The following ICOS variants were observed in gnomAD, a reference collection of about 807,000 sequenced individuals.
The protein encoded by ICOS is inducible T cell costimulator.
In ICOS, 15 loss-of-function variants were observed where a neutral mutation model predicts 24.6. That is an observed-to-expected ratio of 0.61 (90% CI 0.41 to 0.94). The LOEUF (loss-of-function observed/expected upper bound fraction) is 0.94, where lower values mean the gene tolerates loss of function less well. ICOS is among the 40% of genes least tolerant of loss of function. ICOS has a pLI of 0.00. For missense variants in ICOS, 200 were observed against 233.0 expected, an observed-to-expected ratio of 0.86 and a Z score of 0.92; for synonymous variants, 89 against 77.5, an observed-to-expected ratio of 1.15 and a Z score of -0.78.
intron 4 of ICOS, among the ~76,000 whole-genome samples, chr2:203,958,781 C>CG (rs112556663): frequency 0.29 from 43,654 of 151,900 alleles, 6,847 homozygotes; most frequent in African/African-American, 0.41. Flanking sequence ...CAGTTAATAC[C>CG]TAGCTTTGAC....
intron 1 of ICOS, among the ~76,000 whole-genome samples, chr2:203,938,020 C>T (rs939859512): frequency 3.3e-5 from 5 of 152,194 alleles, no homozygotes; most frequent in Non-Finnish European, 7.3e-5. Context: ...GAGCACCTGC[C>T]TGGTAGCAGG....
intron 1 of ICOS, among the ~76,000 whole-genome samples, chr2:203,954,753 A>G (rs1243886337): frequency 6.6e-6 from 1 of 151,880 alleles, no homozygotes; most frequent in Non-Finnish European, 1.5e-5. Flanking sequence ...CTTTAGCAGG[A>G]GGACATAATG....
intron 4 of ICOS, among the ~76,000 whole-genome samples, chr2:203,958,205 T>C (rs1690111626): frequency 6.6e-6 from 1 of 152,172 alleles, no homozygotes; most frequent in South Asian, 2.1e-4. Flanking sequence ...TGTTGAAGGG[T>C]TCATTCAGTC....
rs951346401 is a variant in ICOS, at chr2:203,960,096, T to C, written c.*497T>C. On this transcript the variant is annotated 3_prime_UTR_variant, in exon 5 of 5. Transcript: ENST00000316386. ...ATGCTTCAAAGCTGGAGCTATTTTATTTCTGAGATGTTGATGTGAACTGTA... is the reference window on the plus strand; with the variant it reads ...ATGCTTCAAAGCTGGAGCTATTTTACTTCTGAGATGTTGATGTGAACTGTA... 3.3e-5 allele frequency: 8 copies of C among 243,192 alleles called. No individual in the cohort carries two copies. The highest frequency in any genetic ancestry group is 1.8e-4 in the African/African-American group (8 of 45,138). The allele number at this position is 243,192 out of a possible 1,614,324, so 15.1% of individuals were successfully genotyped here. A position where few individuals can be genotyped will look rare whatever the true frequency, so the allele number is the denominator to read the frequency against.
chr2:203,960,852 T>A lies in ICOS; in HGVS notation c.*1253T>A, dbSNP rs929442897. On this transcript the variant is annotated 3_prime_UTR_variant, in exon 5 of 5. Coordinates refer to ENST00000316386, the MANE Select transcript of ICOS (RefSeq NM_012092.4). ...GAAGTCACCCTGGGAATCACAGTGG[T>A]CTACCTGCATTCATAATTCCAGGAT... The A allele has an allele frequency of 1.3e-5, 2 of 152,174 alleles. No homozygotes were observed. The highest frequency in any genetic ancestry group is 4.8e-5 in the African/African-American group (2 of 41,434). 9.4% of individuals were successfully genotyped at this position (152,174 alleles called of 1,614,324 possible).
At chr2:203,947,332 C>T (rs1024312782) in intron 1 of ICOS, among the ~76,000 whole-genome samples, 7 of 151,886 alleles carry the variant, frequency 4.6e-5, no homozygotes, top group African/African-American at 1.2e-4. Flanking sequence ...TTTTTTGAGA[C>T]GGAGTCTTGC....
At chr2:203,956,097 G>T in intron 2 of ICOS, 126 bp downstream of exon 2, 1 of 653,554 alleles carries the variant, frequency 1.5e-6, no homozygotes, top group Admixed American at 2.6e-5. Context: ...TGCAGTTGAT[G>T]GTAATCATTT....
intron 1 of ICOS, among the ~76,000 whole-genome samples, chr2:203,937,664 TTAAA>T (rs1240781662): frequency 6.6e-5 from 10 of 152,194 alleles, no homozygotes; most frequent in Non-Finnish European, 2.9e-5. Flanking sequence ...ATTAAATAAC[TTAAA>T]TAATCAAATA....
At chr2:203,940,599 A>G (rs1281809091) in intron 1 of ICOS, among the ~76,000 whole-genome samples, 2 of 150,510 alleles carry the variant, frequency 1.3e-5, no homozygotes, top group Non-Finnish European at 3.0e-5. Context: ...ATATTCCTCC[A>G]CTGTCTGCTG....
At chr2:203,937,706 T>C (rs1310207794) in intron 1 of ICOS, among the ~76,000 whole-genome samples, 1 of 152,100 alleles carries the variant, frequency 6.6e-6, no homozygotes, top group Non-Finnish European at 1.5e-5. Context: ...GAACTTTTAG[T>C]AGGTATGATC....
intron 1 of ICOS, among the ~76,000 whole-genome samples, chr2:203,946,348 C>T (rs1398012375): frequency 6.6e-6 from 1 of 151,712 alleles, no homozygotes; most frequent in Non-Finnish European, 1.5e-5. Context: ...AAACAATGCA[C>T]ACATTGTGTG....
rs1690146218 is a variant in ICOS at position 203,959,850 on chromosome 2, G to A, written c.*251G>A. The A allele has an allele frequency of 1.7e-6, 1 of 578,882 alleles. No individual in the cohort carries two copies. Among genetic ancestry groups the A allele is most frequent in the Admixed American group, 2.7e-5 (1 of 36,790 alleles). 35.9% of individuals were successfully genotyped at this position (578,882 alleles called of 1,614,324 possible). A position where few individuals can be genotyped will look rare whatever the true frequency, so the allele number is the denominator to read the frequency against. ...GCTTTGGAGAAAGCCCAGCTCCTGT[G>A]TGCTCACTGGGAGTGGAATCCCTGT... On this transcript the variant is annotated 3_prime_UTR_variant, in exon 5 of 5. Coordinates refer to ENST00000316386, the MANE Select transcript of ICOS (RefSeq NM_012092.4).
At chr2:203,953,114 G>A (rs548018609) in intron 1 of ICOS, among the ~76,000 whole-genome samples, 1 of 152,234 alleles carries the variant, frequency 6.6e-6, no homozygotes, top group East Asian at 1.9e-4. Context: ...TCTGAATGAG[G>A]TCTGGTTTAT....
chr2:203,952,653 T>C (rs1282333434), intron 1 of ICOS, among the ~76,000 whole-genome samples: 1 of 152,210 alleles, frequency 6.6e-6, no homozygotes, highest in African/African-American at 2.4e-5. Context: ...ATTAAACTTA[T>C]CTATTGAGTT....
chr2:203,955,840 C>T lies in ICOS; in HGVS notation c.263C>T (p.Ser88Phe). The change falls in exon 2 of 5, where the codon TCC (serine) becomes TTC (phenylalanine). Residue 88 changes from serine (S) to phenylalanine (F), a missense_variant. Ser to Phe is a radical substitution (Grantham distance 155, BLOSUM62 -2). Transcript: ENST00000316386. The stretch of plus-strand genomic sequence containing the variant: ...CTGAAATTCTGCCATTCTCAGTTAT[C>T]CAACAACAGTGTCTCTTTTTTTCTA... The part of the protein sequence containing the change: ...KSLKFCHSQL[S>F]NNSVSFFLYN... The T allele has an allele frequency of 6.2e-7, 1 of 1,613,788 alleles. No homozygotes were observed. Among genetic ancestry groups the T allele is most frequent in the Non-Finnish European group, 8.5e-7 (1 of 1,179,782 alleles).
chr2:203,959,536 A>G, intron 4 of ICOS, 50 bp from the exon 5 acceptor site: 1 of 1,554,980 alleles, frequency 6.4e-7, no homozygotes, highest in Non-Finnish European at 8.9e-7. Context: ...CTTGTAGGGA[A>G]CTGGCACATG....
intron 1 of ICOS, among the ~76,000 whole-genome samples, chr2:203,954,869 A>G (rs1479618163): frequency 1.3e-5 from 2 of 148,864 alleles, no homozygotes; most frequent in Non-Finnish European, 3.0e-5. Context: ...ATATATTTTA[A>G]TATATAATAT....
At chr2:203,950,228 G>A (rs1689945926) in intron 1 of ICOS, among the ~76,000 whole-genome samples, 1 of 152,194 alleles carries the variant, frequency 6.6e-6, no homozygotes, top group South Asian at 2.1e-4. Flanking sequence ...AGGCCTAGGG[G>A]CGAAATCTGG....
chr2:203,952,833 T>C (rs374743601), intron 1 of ICOS, among the ~76,000 whole-genome samples: 37 of 152,326 alleles, frequency 2.4e-4, no homozygotes, highest in African/African-American at 8.9e-4. Flanking sequence ...GGTATATAAA[T>C]CATGAGTTTG....
Sources: allele counts gnomAD v4.1 joint callset (sites outside exome capture counted in the v4.1 genomes callset), GRCh38; gene constraint gnomAD v4.1.1; transcripts MANE v1.5; gene names NCBI Gene and HGNC (gene_info 2026-07-23, HGNC 2026-07-21).